Variants in PTPRK observed in about 807,000 individuals in gnomAD.
PTPRK encodes receptor-type tyrosine-protein phosphatase kappa.
A neutral mutation model predicts 178.0 loss-of-function variants in PTPRK; 75 were observed. The ratio of observed to expected loss-of-function variants is 0.42; its 90% confidence interval spans 0.35 to 0.51. The LOEUF (loss-of-function observed/expected upper bound fraction) is 0.51, where lower values mean the gene tolerates loss of function less well. PTPRK is among the 20% of genes least tolerant of loss of function. PTPRK has a pLI of 0.02. For missense variants in PTPRK, 1,441 were observed against 1,797.8 expected (o/e 0.80, Z 3.59); for synonymous variants, 637 against 620.6 (o/e 1.03, Z -0.39).
chr6:128,342,256 CA>C (rs1381759516), intron 2 of PTPRK, among the ~76,000 whole-genome samples: 1 of 150,742 alleles, frequency 6.6e-6, no homozygotes, highest in Non-Finnish European at 1.5e-5. Context: ...CCATCTCAAA[CA>C]AAAAAAGAGA....
At position 127,998,744 on chromosome 6, in the gene PTPRK, G is replaced by A; in HGVS notation, c.2655C>T (p.Ser885=). The A allele has an allele frequency of 6.3e-7, 1 of 1,595,422 alleles. No homozygotes were observed. Among genetic ancestry groups the A allele is most frequent in the African/African-American group, 1.3e-5 (1 of 74,310 alleles). The change falls in exon 16 of 30, where the codon AGC becomes AGT. Residue 885 remains serine (S), a synonymous_variant. Coordinates refer to ENST00000368226, the MANE Select transcript of PTPRK (RefSeq NM_002844.4). The part of the protein sequence containing the change: ...QHINLMKTSD[S]YGFKEEYESF... ...CCTCATATTCCTCTTTGAACCCATA[G>A]CTGTCTGATGTCTTCATGAGATTAA... is the stretch of plus-strand genomic sequence containing the variant.
chr6:128,224,886 T>G (rs997919352), intron 5 of PTPRK, among the ~76,000 whole-genome samples: 13 of 152,180 alleles, frequency 8.5e-5, no homozygotes, highest in African/African-American at 2.9e-4. Flanking sequence ...GGATGGCATA[T>G]CAGGCAGAGA....
intron 13 of PTPRK, among the ~76,000 whole-genome samples, chr6:128,052,978 T>C (rs921694538): frequency 2.0e-5 from 3 of 152,146 alleles, no homozygotes; most frequent in Non-Finnish European, 4.4e-5. Context: ...AATAATAATC[T>C]AGTTTCATGT....
chr6:128,148,939 C>A (rs540534349), intron 7 of PTPRK, among the ~76,000 whole-genome samples: 1 of 151,992 alleles, frequency 6.6e-6, no homozygotes, highest in African/African-American at 2.4e-5. Flanking sequence ...AGGAAAAGAA[C>A]AAAGCCAAAG....
At chr6:128,081,951 T>C (rs541099987) in intron 10 of PTPRK, among the ~76,000 whole-genome samples, 14 of 152,148 alleles carry the variant, frequency 9.2e-5, no homozygotes, top group Non-Finnish European at 1.8e-4. Flanking sequence ...AAAACTTATA[T>C]GTATTTATAT....
At chr6:128,127,403 T>C (rs1793557072) in intron 7 of PTPRK, among the ~76,000 whole-genome samples, 1 of 152,262 alleles carries the variant, frequency 6.6e-6, no homozygotes, top group Non-Finnish European at 1.5e-5. Flanking sequence ...CTTAACAATA[T>C]TGAATCTTCT....
chr6:128,118,438 A>G (rs17055313), intron 7 of PTPRK, among the ~76,000 whole-genome samples: 3,909 of 152,294 alleles, frequency 0.026, 75 homozygotes, highest in Middle Eastern at 0.092. Context: ...AATTTTACAC[A>G]CCACTTTTTA....
intron 6 of PTPRK, among the ~76,000 whole-genome samples, chr6:128,212,555 TAGAAAACG>T (rs2128266702): frequency 6.6e-6 from 1 of 152,182 alleles, no homozygotes; most frequent in South Asian, 2.1e-4. Context: ...AATTGAAACT[TAGAAAACG>T]TGTACAGGCC....
chr6:128,328,292 C>A (rs149271222), intron 2 of PTPRK, among the ~76,000 whole-genome samples: 5 of 152,092 alleles, frequency 3.3e-5, no homozygotes, highest in Admixed American at 3.3e-4. Context: ...TTTTAAGCTC[C>A]GGGGCAATAA....
chr6:128,198,402 T>C, intron 6 of PTPRK, among the ~76,000 whole-genome samples: 1 of 152,094 alleles, frequency 6.6e-6, no homozygotes, highest in East Asian at 1.9e-4. Flanking sequence ...CTTAAAATCA[T>C]CCCACCTTGA....
chr6:128,458,948 C>T (rs1357641228), intron 1 of PTPRK, among the ~76,000 whole-genome samples: 1 of 152,038 alleles, frequency 6.6e-6, no homozygotes, highest in Non-Finnish European at 1.5e-5. Flanking sequence ...TTAAAGCTCA[C>T]AGAATTTTGG....
intron 13 of PTPRK, among the ~76,000 whole-genome samples, chr6:128,049,495 T>G (rs1778640737): frequency 6.6e-6 from 1 of 152,004 alleles, no homozygotes; most frequent in African/African-American, 2.4e-5. Context: ...ATTTACATAT[T>G]GAGAAAATTT....
chr6:128,203,046 A>G (rs1327864006), intron 6 of PTPRK, among the ~76,000 whole-genome samples: 1 of 152,212 alleles, frequency 6.6e-6, no homozygotes, highest in Non-Finnish European at 1.5e-5. Flanking sequence ...CATATCAAAA[A>G]GCTTATCCAC....
At chr6:128,037,999 T>C (rs1390024967) in intron 13 of PTPRK, among the ~76,000 whole-genome samples, 2 of 152,202 alleles carry the variant, frequency 1.3e-5, no homozygotes, top group African/African-American at 4.8e-5. Flanking sequence ...CAAAACCATA[T>C]GTTATTTATC....
intron 13 of PTPRK, among the ~76,000 whole-genome samples, chr6:128,058,420 T>C (rs1343017970): frequency 6.6e-6 from 1 of 152,220 alleles, no homozygotes; most frequent in Non-Finnish European, 1.5e-5. Context: ...CACCATTTCA[T>C]AGGTTAATTG....
At chr6:128,490,889 T>C (rs1315611333) in intron 1 of PTPRK, among the ~76,000 whole-genome samples, 1 of 152,194 alleles carries the variant, frequency 6.6e-6, no homozygotes, top group Admixed American at 6.5e-5. Flanking sequence ...TGAACACACA[T>C]TCTTGGAGTC....
At chr6:128,243,273 A>G (rs1046643327) in intron 3 of PTPRK, among the ~76,000 whole-genome samples, 2 of 151,924 alleles carry the variant, frequency 1.3e-5, no homozygotes, top group African/African-American at 4.8e-5. Flanking sequence ...AATGTTAAGA[A>G]AAAAAAAGTT....
At chr6:128,076,429 C>A (rs929231013) in intron 11 of PTPRK, among the ~76,000 whole-genome samples, 2 of 151,928 alleles carry the variant, frequency 1.3e-5, no homozygotes, top group Non-Finnish European at 2.9e-5. Flanking sequence ...CTGGCACCCA[C>A]CTGTAGGTGA....
Position 128,083,828 on chromosome 6 carries a change from C to A in PTPRK, c.1466-4G>T. The A allele has an allele frequency of 4.6e-6, 7 of 1,511,434 alleles. No individual in the cohort carries two copies. Among genetic ancestry groups the A allele is most frequent in the East Asian group, 2.4e-5 (1 of 41,206 alleles). 93.6% of individuals were successfully genotyped at this position (1,511,434 alleles called of 1,614,324 possible). The stretch of plus-strand genomic sequence containing the variant: ...TTTACTGGTACGGGACCAGGCACTA[C>A]AAAACACATGAATTTTTTGTTATGA... On this transcript the variant is annotated splice_polypyrimidine_tract_variant and splice_region_variant and intron_variant, in intron 8 of 29. Transcript: ENST00000368226.
Sources: allele counts gnomAD v4.1 joint callset (sites outside exome capture counted in the v4.1 genomes callset), GRCh38; gene constraint gnomAD v4.1.1; transcripts MANE v1.5; gene names NCBI Gene and HGNC (gene_info 2026-07-23, HGNC 2026-07-21).